The following CALN1 variants were observed in gnomAD, a reference collection of about 807,000 sequenced individuals.
CALN1 encodes calcium-binding protein 8.
In CALN1, 17 loss-of-function variants were observed where a neutral mutation model predicts 30.6. That is an observed-to-expected ratio of 0.56 (90% confidence interval 0.38 to 0.83). The LOEUF (loss-of-function observed/expected upper bound fraction) is 0.83, where lower values mean the gene tolerates loss of function less well. CALN1 is among the 40% of genes least tolerant of loss of function. CALN1 has a pLI of 0.00. For synonymous variants in CALN1, 156 were observed against 131.4 expected, an observed-to-expected ratio of 1.19 and a Z score of -1.28; for missense variants, 291 against 354.9, an observed-to-expected ratio of 0.82 and a Z score of 1.45.
intron 2 of CALN1, among the ~76,000 whole-genome samples, chr7:72,350,108 T>C (rs531339395): frequency 2.6e-5 from 4 of 152,296 alleles, no homozygotes; most frequent in Non-Finnish European, 5.9e-5. Flanking sequence ...CCAGCTAGAA[T>C]TGATTTTTGC....
intron 5 of CALN1, among the ~76,000 whole-genome samples, chr7:71,824,827 C>T (rs746720478): frequency 6.6e-6 from 1 of 152,264 alleles, no homozygotes; most frequent in Non-Finnish European, 1.5e-5. Flanking sequence ...AACCAGGGAG[C>T]AGAATTGGTT....
chr7:72,166,816 G>A (rs1479993932), intron 3 of CALN1, among the ~76,000 whole-genome samples: 3 of 152,180 alleles, frequency 2.0e-5, no homozygotes, highest in Non-Finnish European at 2.9e-5. Flanking sequence ...GCCAAGGTGG[G>A]TGGATCATTT....
the CALN1 span, among the ~76,000 whole-genome samples, chr7:72,482,637 C>T: frequency 6.6e-6 from 1 of 152,274 alleles, no homozygotes; most frequent in Admixed American, 6.5e-5. Flanking sequence ...AATTTCTCCA[C>T]TCCTAATCTT....
At chr7:71,990,522 G>A (rs915913760) in intron 5 of CALN1, among the ~76,000 whole-genome samples, 2 of 150,440 alleles carry the variant, frequency 1.3e-5, no homozygotes, top group African/African-American at 2.5e-5. Context: ...GCGTAATCTC[G>A]GCTCACTATA....
At chr7:72,336,414 A>G (rs1276574998) in intron 2 of CALN1, among the ~76,000 whole-genome samples, 1 of 151,966 alleles carries the variant, frequency 6.6e-6, no homozygotes. Context: ...GTGCCGGGAC[A>G]GCCGAGTCCG....
At chr7:72,104,054 T>C (rs1430059551) in intron 4 of CALN1, 2 of 153,204 alleles carry the variant, frequency 1.3e-5, no homozygotes, top group Non-Finnish European at 2.9e-5. Context: ...TGGGCCAGGA[T>C]TAAGTCTAGG....
At chr7:72,334,524 C>A (rs1250992937) in intron 2 of CALN1, among the ~76,000 whole-genome samples, 4 of 151,018 alleles carry the variant, frequency 2.6e-5, no homozygotes, top group Admixed American at 2.6e-4. Flanking sequence ...CAACCTGTAC[C>A]CCCCCTCCCC....
intron 3 of CALN1, among the ~76,000 whole-genome samples, chr7:72,121,323 A>C (rs1257670488): frequency 1.4e-5 from 2 of 144,232 alleles, no homozygotes; most frequent in Non-Finnish European, 1.5e-5. Context: ...GAATATATAA[A>C]TTAAATAATA....
upstream of CALN1, among the ~76,000 whole-genome samples, chr7:72,413,376 C>T (rs185625962): frequency 1.2e-3 from 176 of 152,026 alleles, 1 homozygote; most frequent in African/African-American, 3.7e-3. Flanking sequence ...CACACACCCA[C>T]GAACATACTC....
intron 3 of CALN1, among the ~76,000 whole-genome samples, chr7:72,173,045 T>A (rs1789080320): frequency 6.6e-6 from 1 of 152,168 alleles, no homozygotes. Flanking sequence ...TGCAGATGAA[T>A]GTTTGTATAG....
intron 5 of CALN1, among the ~76,000 whole-genome samples, chr7:71,882,649 TC>T (rs1001364196): frequency 9.2e-5 from 14 of 151,832 alleles, no homozygotes; most frequent in African/African-American, 2.9e-4. Flanking sequence ...AGAATAGTCT[TC>T]CCCCAATACT....
chr7:71,994,880 T>C (rs1043528565), intron 5 of CALN1, among the ~76,000 whole-genome samples: 1 of 139,130 alleles, frequency 7.2e-6, no homozygotes, highest in Non-Finnish European at 1.5e-5. Flanking sequence ...CGAGACGGAG[T>C]CTGGCTCTGT....
At chr7:72,397,792 C>CT (rs1226569287) in intron 2 of CALN1, among the ~76,000 whole-genome samples, 2 of 150,408 alleles carry the variant, frequency 1.3e-5, no homozygotes, top group East Asian at 3.9e-4. Context: ...ATTAGCCTAC[C>CT]CTTAGGACTT....
In CALN1 at chr7:71,910,391, G is replaced by A. The variant is rs1794366051; in HGVS notation, c.502-99899C>T. 3.9e-5 allele frequency among the ~76,000 whole-genome samples: 6 copies of A among 152,184 alleles called. No individual in the cohort carries two copies. In the South Asian group the frequency reaches 1.2e-3, roughly 32 times the overall value. ...CATCTAACTTCCAAGGGTTGGGGAG[G>A]ACATTCCTCTTACGTGCCAGAAGGC... On this transcript the variant is annotated intron_variant, in intron 5 of 6. Transcript: ENST00000395275.
the CALN1 span, among the ~76,000 whole-genome samples, chr7:72,499,899 TTCTTTC>T: frequency 1.9e-5 from 1 of 53,222 alleles, no homozygotes; most frequent in Non-Finnish European, 3.6e-5. Context: ...CTTTCTTTCT[TTCTTTC>T]TTTCTTTCTA....
chr7:72,377,004 T>C (rs1414276791), intron 2 of CALN1, among the ~76,000 whole-genome samples: 3 of 152,200 alleles, frequency 2.0e-5, no homozygotes, highest in Non-Finnish European at 4.4e-5. Context: ...CCAAAATGTA[T>C]ATAGGTTTTC....
intron 3 of CALN1, among the ~76,000 whole-genome samples, chr7:72,121,675 T>C (rs1808402255): frequency 6.7e-6 from 1 of 148,614 alleles, no homozygotes. Flanking sequence ...GACAGAATTA[T>C]CTATCTACCC....
intron 4 of CALN1, among the ~76,000 whole-genome samples, chr7:72,057,205 C>T (rs1212757985): frequency 6.6e-6 from 1 of 152,010 alleles, no homozygotes; most frequent in Non-Finnish European, 1.5e-5. Flanking sequence ...GTTTGGCCTC[C>T]CAAAATGCTG....
At chr7:72,482,214 G>T in the CALN1 span, among the ~76,000 whole-genome samples, 1 of 152,034 alleles carries the variant, frequency 6.6e-6, no homozygotes, top group African/African-American at 2.4e-5. Context: ...ATTTTCATTA[G>T]TGTTAACATC....
Sources: allele counts gnomAD v4.1 joint callset (sites outside exome capture counted in the v4.1 genomes callset), GRCh38; gene constraint gnomAD v4.1.1; transcripts MANE v1.5; gene names NCBI Gene and HGNC (gene_info 2026-07-23, HGNC 2026-07-21).